ADAMTS19: variants seen among roughly 807,000 people sequenced by gnomAD.
ADAMTS19 encodes the protein A disintegrin and metalloproteinase with thrombospondin motifs 19.
ADAMTS19 carries 93 observed loss-of-function variants against 153.3 expected under a neutral mutation model. The observed-to-expected ratio is 0.61, with a 90% CI of 0.51 to 0.72. The LOEUF is 0.72. ADAMTS19 is among the 30% of genes least tolerant of loss of function. The pLI is 0.00. For missense variants in ADAMTS19, 1,482 were observed against 1,552.1 expected (o/e 0.95, Z 0.76); for synonymous variants, 600 against 556.6 (o/e 1.08, Z -1.10).
chr5:129,647,214 G>GAAAAAAAAAAA (rs34958335), intron 11 of ADAMTS19, among the ~76,000 whole-genome samples: 1 of 102,310 alleles, frequency 9.8e-6, no homozygotes, highest in Non-Finnish European at 2.1e-5. Flanking sequence ...AATTCTTTCA[G>GAAAAAAAAAAA]AAAAAAAAAA....
At chr5:129,581,587 G>A (rs577298446) in intron 7 of ADAMTS19, among the ~76,000 whole-genome samples, 5 of 148,122 alleles carry the variant, frequency 3.4e-5, no homozygotes, top group Middle Eastern at 3.5e-3. Flanking sequence ...AGGGTTTTTC[G>A]TGTCTCTGTC....
intron 2 of ADAMTS19, among the ~76,000 whole-genome samples, chr5:129,483,676 G>A (rs931780750): frequency 1.3e-5 from 2 of 152,190 alleles, no homozygotes; most frequent in African/African-American, 4.8e-5. Context: ...GCCAAAATCT[G>A]TAAGATGCTC....
In ADAMTS19 at chr5:129,509,080, G is replaced by T; in HGVS notation, c.751G>T (p.Gly251Ter). 1 of 1,595,640 alleles carries T rather than the reference G, an allele frequency of 6.3e-7. No individual in the cohort carries two copies. Among genetic ancestry groups the T allele is most frequent in the Admixed American group, 1.8e-5 (1 of 56,632 alleles). The change falls in exon 3 of 23, where the codon GGA becomes TGA. Residue 251 changes from glycine (G) to a stop codon, truncating the protein, a stop_gained. Coordinates refer to ENST00000274487, the MANE Select transcript of ADAMTS19 (RefSeq NM_133638.6). LOFTEE classifies it high-confidence loss of function. ...CTTTTTGTGTTATATATTCCAGATG[G>T]GATTTATACAGCTCAATGAGGACTT... ...SFSTCGGGLM[G>*]FIQLNEDFIF...
chr5:129,482,278 T>TCACC (rs1182110277), intron 2 of ADAMTS19, among the ~76,000 whole-genome samples: 1 of 152,092 alleles, frequency 6.6e-6, no homozygotes, highest in Non-Finnish European at 1.5e-5. Flanking sequence ...GCATAATTAT[T>TCACC]CACCTCTTCA....
chr5:129,642,604 A>G (rs1485535458), intron 11 of ADAMTS19, among the ~76,000 whole-genome samples: 4 of 152,260 alleles, frequency 2.6e-5, no homozygotes, highest in African/African-American at 4.8e-5. Flanking sequence ...TAACAGATCA[A>G]TAGTTTACAT....
chr5:129,642,819 C>T (rs3884607), intron 11 of ADAMTS19, among the ~76,000 whole-genome samples: 1 of 149,290 alleles, frequency 6.7e-6, no homozygotes, highest in African/African-American at 2.5e-5. Flanking sequence ...AAAAACATAT[C>T]GATTTGAAAA....
intron 8 of ADAMTS19, among the ~76,000 whole-genome samples, chr5:129,605,488 C>T (rs1331454389): frequency 6.6e-6 from 1 of 152,198 alleles, no homozygotes; most frequent in Admixed American, 6.5e-5. Context: ...TTTAGTTCTC[C>T]ACTCACGTAT....
rs1166859522 is a variant in ADAMTS19, at chr5:129,704,360, G to T, written c.3281G>T (p.Cys1094Phe). The change falls in exon 21 of 23, where the codon TGC (cysteine) becomes TTC (phenylalanine). Residue 1094 changes from cysteine to phenylalanine, a missense_variant. Around this residue, in one of 2 missense-constraint regions of ADAMTS19, gnomAD observed 616 missense variants for 724.4 expected, o/e 0.85. Coordinates refer to ENST00000274487, the MANE Select transcript of ADAMTS19 (RefSeq NM_133638.6). ...GAAGACTGTGAGGATTATTCAAAAT[G>T]CTATGTGTGGCGAATGGGTGACTGG... ...EAEDCEDYSKCYVWRMGDWSK... is the reference protein window; with the variant it reads ...EAEDCEDYSKFYVWRMGDWSK... 1 of 1,613,910 alleles carries T rather than the reference G, an allele frequency of 6.2e-7. No individual in the cohort carries two copies. Among genetic ancestry groups the T allele is most frequent in the African/African-American group, 1.3e-5 (1 of 74,906 alleles).
intron 7 of ADAMTS19, among the ~76,000 whole-genome samples, chr5:129,574,726 T>C (rs1754040355): frequency 6.6e-6 from 1 of 151,990 alleles, no homozygotes; most frequent in Admixed American, 6.6e-5. Flanking sequence ...AGTTTGGATG[T>C]ATATATAAAT....
intron 3 of ADAMTS19, among the ~76,000 whole-genome samples, chr5:129,516,873 T>A (rs1327255967): frequency 4.0e-5 from 6 of 150,940 alleles, no homozygotes; most frequent in East Asian, 1.9e-4. Flanking sequence ...CTTGTTAGGT[T>A]TTTTGAGATT....
At chr5:129,610,946 C>T (rs1288962069) in intron 8 of ADAMTS19, among the ~76,000 whole-genome samples, 1 of 152,148 alleles carries the variant, frequency 6.6e-6, no homozygotes, top group Non-Finnish European at 1.5e-5. Flanking sequence ...TCCTCTCCAG[C>T]ACCTGTTGTT....
At chr5:129,518,938 C>G (rs1751699637) in intron 3 of ADAMTS19, among the ~76,000 whole-genome samples, 1 of 152,114 alleles carries the variant, frequency 6.6e-6, no homozygotes, top group Non-Finnish European at 1.5e-5. Flanking sequence ...TTCAAGATCA[C>G]TAATTCTTTC....
chr5:129,624,724 T>G (rs1365610971), intron 10 of ADAMTS19, among the ~76,000 whole-genome samples: 2 of 152,234 alleles, frequency 1.3e-5, no homozygotes, highest in African/African-American at 4.8e-5. Context: ...GAAATTATTT[T>G]AATATATCAC....
chr5:129,564,762 C>T (rs1753646622), intron 7 of ADAMTS19, among the ~76,000 whole-genome samples: 1 of 152,098 alleles, frequency 6.6e-6, no homozygotes, highest in African/African-American at 2.4e-5. Context: ...GAAAATTGGT[C>T]CTTCAAGGAG....
chr5:129,510,858 T>G (rs966859204), intron 3 of ADAMTS19, among the ~76,000 whole-genome samples: 8 of 143,138 alleles, frequency 5.6e-5, no homozygotes, highest in East Asian at 4.0e-4. Flanking sequence ...GTTTCTGAGA[T>G]ATATATATAT....
At chr5:129,678,410 C>T (rs30646) in intron 16 of ADAMTS19, among the ~76,000 whole-genome samples, 22,713 of 151,974 alleles carry the variant, frequency 0.15, 1,888 homozygotes, top group East Asian at 0.3. Context: ...CAGTTGCCTA[C>T]GTAACTTGTT....
chr5:129,588,273 T>G (rs1038247842), intron 7 of ADAMTS19, among the ~76,000 whole-genome samples: 4 of 152,194 alleles, frequency 2.6e-5, no homozygotes, highest in Non-Finnish European at 5.9e-5. Flanking sequence ...AACCATTTTC[T>G]TGTTGATTTC....
intron 6 of ADAMTS19, among the ~76,000 whole-genome samples, chr5:129,532,808 T>C (rs571543903): frequency 6.6e-6 from 1 of 152,208 alleles, no homozygotes; most frequent in African/African-American, 2.4e-5. Context: ...ATGAATATCA[T>C]TATACTGAGG....
At chr5:129,684,769 C>T (rs1017480139) in intron 18 of ADAMTS19, among the ~76,000 whole-genome samples, 7 of 151,780 alleles carry the variant, frequency 4.6e-5, no homozygotes, top group South Asian at 2.1e-4. Flanking sequence ...GGGCAGATCA[C>T]GAGGTCAGGA....
Sources: gnomAD v4.1 joint callset for allele counts (sites outside exome capture counted in the v4.1 genomes callset) on GRCh38, gnomAD v4.1.1 for gene constraint, gnomAD v4.1.1 regional missense constraint, MANE v1.5 for transcripts, NCBI Gene and HGNC (gene_info 2026-07-23, HGNC 2026-07-21) for gene names.